PTPRS: variants seen among roughly 807,000 people sequenced by gnomAD.
The protein encoded by PTPRS is protein tyrosine phosphatase receptor type S.
Under a neutral mutation model 215.3 loss-of-function variants are expected in PTPRS, and 63 were observed. That is an observed-to-expected ratio of 0.29 (90% CI 0.24 to 0.36). The LOEUF (loss-of-function observed/expected upper bound fraction) is 0.36. Among genes scored for constraint, PTPRS ranks in the 10% least tolerant of loss-of-function variants. The pLI is 1.00. For missense variants in PTPRS, 2,258 were observed against 2,825.8 expected (o/e 0.80, Z 4.56); for synonymous variants, 1,404 against 1,191.4 (o/e 1.18, Z -3.68).
intron 1 of PTPRS, among the ~76,000 whole-genome samples, chr19:5,333,582 G>C (rs919851346): frequency 6.6e-6 from 1 of 152,004 alleles, no homozygotes; most frequent in Non-Finnish European, 1.5e-5. Context: ...CCCAGCTAAA[G>C]TCAACTCTTC....
Position 5,211,654 on chromosome 19 carries a change from G to A in PTPRS, c.5170C>T (p.Leu1724=), listed in dbSNP as rs200749743. 1.9e-5 allele frequency: 30 copies of A among 1,614,120 alleles called. No individual in the cohort carries two copies. Among genetic ancestry groups the A allele is most frequent in the Non-Finnish European group, 2.5e-5 (29 of 1,180,006 alleles). ...IMPYESTRVC[L]QPIRGVEGSD... ...CCCTCCACACCCCGGATGGGTTGCA[G>A]ACAGACCCGTGTGCTCTCATAGGGC... The change falls in exon 33 of 38, where the codon CTG becomes TTG. Residue 1724 remains leucine (L), a synonymous_variant. Coordinates refer to ENST00000262963, the MANE Select transcript of PTPRS (RefSeq NM_002850.4).
At chr19:5,215,706 A>C (rs2041372042) in intron 26 of PTPRS, 111 bp from the exon 27 acceptor site, 1 of 790,852 alleles carries the variant, frequency 1.3e-6, no homozygotes, top group Non-Finnish European at 2.0e-6. Flanking sequence ...CTGTGGTTAG[A>C]AGGGCATGGC....
At chr19:5,232,937 T>C (rs1342477056) in intron 13 of PTPRS, among the ~76,000 whole-genome samples, 2 of 147,128 alleles carry the variant, frequency 1.4e-5, no homozygotes, top group African/African-American at 5.1e-5. Context: ...CATCCATTTA[T>C]TGAACACCTA....
At chr19:5,219,604 C>T in intron 22 of PTPRS, 137 bp from the exon 23 acceptor site, 3 of 1,112,578 alleles carry the variant, frequency 2.7e-6, no homozygotes, top group Non-Finnish European at 3.7e-6. Context: ...CCCTGGTGGC[C>T]TATGTGACCT....
chr19:5,253,861 T>C (rs2045347562), intron 9 of PTPRS, among the ~76,000 whole-genome samples: 1 of 152,216 alleles, frequency 6.6e-6, no homozygotes, highest in Non-Finnish European at 1.5e-5. Flanking sequence ...GGAATGCTTG[T>C]TACACAGAGC....
In PTPRS at chr19:5,206,722, G is replaced by A. The variant is rs371321298; in HGVS notation, c.*52C>T. 5.8e-6 allele frequency: 9 copies of A among 1,540,314 alleles called. No individual in the cohort carries two copies. The African/African-American group carries it at 1.2e-4, about 21-fold the overall frequency. On this transcript the variant is annotated 3_prime_UTR_variant, in exon 38 of 38. Coordinates refer to ENST00000262963, the MANE Select transcript of PTPRS (RefSeq NM_002850.4). ...CAGGCCTCAGGAGGTCCGCCCGGGA[G>A]GGGCAGAGGCATCCGGGGCCAGTGG...
chr19:5,281,524 C>T (rs1025241083), intron 2 of PTPRS, among the ~76,000 whole-genome samples: 34 of 152,224 alleles, frequency 2.2e-4, no homozygotes, highest in African/African-American at 7.2e-4. Flanking sequence ...AATTTGAACC[C>T]GGGTTTCTGC....
intron 1 of PTPRS, among the ~76,000 whole-genome samples, chr19:5,336,015 AGG>A (rs758519637): frequency 6.9e-6 from 1 of 144,730 alleles, no homozygotes; most frequent in East Asian, 2.2e-4. Flanking sequence ...GAGGAGGAGG[AGG>A]AAAAAAAAAA....
intron 4 of PTPRS, among the ~76,000 whole-genome samples, chr19:5,267,669 A>AG (rs2046526065): frequency 6.7e-6 from 1 of 149,550 alleles, no homozygotes; most frequent in Non-Finnish European, 1.5e-5. Flanking sequence ...AAAAAAAAAA[A>AG]AGAGATTAGG....
chr19:5,226,840 G>A (rs1173790354), intron 16 of PTPRS, among the ~76,000 whole-genome samples: 5 of 152,092 alleles, frequency 3.3e-5, no homozygotes, highest in African/African-American at 1.2e-4. Flanking sequence ...ATTTCACTAG[G>A]GTTACTGTTC....
intron 2 of PTPRS, among the ~76,000 whole-genome samples, chr19:5,274,767 C>T (rs760561122): frequency 1.6e-4 from 25 of 152,174 alleles, no homozygotes; most frequent in Admixed American, 7.2e-4. Context: ...CCAGCCAAAC[C>T]CTGGAGGGCC....
intron 15 of PTPRS, 32 bp from the exon 16 acceptor site, chr19:5,229,374 G>A (rs757460045): frequency 1.5e-6 from 2 of 1,374,472 alleles, no homozygotes; most frequent in Admixed American, 3.2e-5. Flanking sequence ...AGGGGAGAGA[G>A]GAGGAAGGTG....
chr19:5,310,317 T>C (rs952778202), intron 1 of PTPRS, among the ~76,000 whole-genome samples: 2 of 145,428 alleles, frequency 1.4e-5, no homozygotes, highest in African/African-American at 2.6e-5. Flanking sequence ...TTTTTTCTTT[T>C]CTTTTTTTTT....
chr19:5,267,386 G>C (rs1422465150), intron 4 of PTPRS, among the ~76,000 whole-genome samples: 3 of 152,114 alleles, frequency 2.0e-5, no homozygotes, highest in African/African-American at 7.2e-5. Context: ...GCCGGCCGTG[G>C]GGGCTCACAC....
intron 15 of PTPRS, 63 bp downstream of exon 15, chr19:5,229,428 G>A (rs1441116902): frequency 2.9e-6 from 4 of 1,361,402 alleles, no homozygotes; most frequent in East Asian, 3.1e-5. Flanking sequence ...AGAGGTGGGG[G>A]GAGCGCAAGG....
chr19:5,237,597 C>T lies in PTPRS; in HGVS notation c.1849+1322G>A, dbSNP rs1311994741. On this transcript the variant is annotated intron_variant, in intron 13 of 37. Coordinates refer to ENST00000262963, the MANE Select transcript of PTPRS (RefSeq NM_002850.4). The surrounding 1 kb of genome is among the most constrained non-coding windows in gnomAD (Gnocchi z 4.2). ...AGAGTTTCTGGGGCCGAATTCGGGCCGTGGACTGTCCGTTCAGCCCAGAGT... is the reference window on the plus strand; with the variant it reads ...AGAGTTTCTGGGGCCGAATTCGGGCTGTGGACTGTCCGTTCAGCCCAGAGT... Among the ~76,000 whole-genome samples, 3 of 152,116 alleles carry T rather than the reference C, an allele frequency of 2.0e-5. No individual in the cohort carries two copies. The highest frequency in any genetic ancestry group is 3.9e-4 in the East Asian group (2 of 5,174).
intron 12 of PTPRS, among the ~76,000 whole-genome samples, chr19:5,239,313 C>T (rs557489531): frequency 8.0e-5 from 12 of 149,476 alleles, no homozygotes; most frequent in Non-Finnish European, 1.3e-4. Context: ...GAGACAGAGA[C>T]GGAGAGAGAC....
chr19:5,257,495 G>C lies in PTPRS; in HGVS notation c.706+522C>G. On this transcript the variant is annotated intron_variant, in intron 8 of 37. Coordinates refer to ENST00000262963, the MANE Select transcript of PTPRS (RefSeq NM_002850.4). This position sits in a 1 kb window ranked among gnomAD's most constrained non-coding sequence, Gnocchi z 4.4. ...GGACCAGCTGGTGGGGGGTGGGAGG[G>C]GCAGCCTCGAAGACCCCTCCTCAAC... 1 of 456,024 alleles carries C rather than the reference G, an allele frequency of 2.2e-6. No individual in the cohort carries two copies. 28.2% of individuals were successfully genotyped at this position (456,024 alleles called of 1,614,324 possible). A position where few individuals can be genotyped will look rare whatever the true frequency, so the allele number is the denominator to read the frequency against.
chr19:5,319,964 C>T (rs1440445318), intron 1 of PTPRS, among the ~76,000 whole-genome samples: 1 of 152,158 alleles, frequency 6.6e-6, no homozygotes, highest in Non-Finnish European at 1.5e-5. Flanking sequence ...ATCTCTCTCC[C>T]TGATCCACAA....
Sources: gnomAD v4.1 joint callset for allele counts (sites outside exome capture counted in the v4.1 genomes callset) on GRCh38, gnomAD v4.1.1 for gene constraint, Gnocchi (gnomAD v3.1) non-coding constraint, MANE v1.5 for transcripts, NCBI Gene and HGNC (gene_info 2026-07-23, HGNC 2026-07-21) for gene names.